The following RNF24 variants were observed in gnomAD, a reference collection of about 807,000 sequenced individuals.
The protein encoded by RNF24 is ring finger protein 24.
RNF24 carries 14 observed loss-of-function variants against 20.0 expected under a neutral mutation model. The observed-to-expected ratio is 0.70, with a 90% confidence interval of 0.46 to 1.10. The LOEUF (loss-of-function observed/expected upper bound fraction) is 1.10, where lower values mean the gene tolerates loss of function less well. RNF24 is among the 50% of genes least tolerant of loss of function. The pLI is 0.00. For missense variants in RNF24, 124 were observed against 177.6 expected (o/e 0.70, Z 1.71); for synonymous variants, 45 against 61.1 (o/e 0.74, Z 1.23).
intron 1 of RNF24, among the ~76,000 whole-genome samples, chr20:3,987,021 C>A (rs954194351): frequency 4.6e-5 from 7 of 152,174 alleles, no homozygotes; most frequent in East Asian, 1.9e-4. Flanking sequence ...GATCCTCTTA[C>A]CCTGGCTTCC....
At chr20:3,951,219 A>C (rs767050594) in intron 2 of RNF24, among the ~76,000 whole-genome samples, 6 of 152,150 alleles carry the variant, frequency 3.9e-5, no homozygotes, top group Non-Finnish European at 8.8e-5. Context: ...GGCCTCCCAA[A>C]GTGCTGGGAT....
chr20:3,941,243 G>A (rs1052437098), intron 4 of RNF24, among the ~76,000 whole-genome samples: 5 of 152,070 alleles, frequency 3.3e-5, no homozygotes, highest in Admixed American at 6.6e-5. Flanking sequence ...GGCTGGTCTC[G>A]ATCTTCTGGA....
At chr20:4,007,740 A>C (rs1600723684) in intron 1 of RNF24, among the ~76,000 whole-genome samples, 1 of 146,388 alleles carries the variant, frequency 6.8e-6, no homozygotes. Flanking sequence ...TGTCTCTACA[A>C]AAAAAAAAAA....
chr20:3,936,111 G>C (rs578016473), intron 4 of RNF24, among the ~76,000 whole-genome samples: 25 of 152,302 alleles, frequency 1.6e-4, no homozygotes, highest in African/African-American at 5.3e-4. Context: ...TGTGGCTCTT[G>C]GTGCCCAGTG....
At chr20:3,970,390 T>A (rs2091302846) in intron 1 of RNF24, among the ~76,000 whole-genome samples, 6 of 152,038 alleles carry the variant, frequency 3.9e-5, no homozygotes, top group Admixed American at 3.9e-4. Context: ...TTAAAAAAAA[T>A]CCAGAGTCTC....
chr20:3,964,814 G>A (rs1316678343), intron 1 of RNF24, among the ~76,000 whole-genome samples: 3 of 151,966 alleles, frequency 2.0e-5, no homozygotes, highest in Non-Finnish European at 1.5e-5. Flanking sequence ...CACTGTGCCC[G>A]GCCAATTTCT....
chr20:3,978,366 A>T (rs1979081098), intron 1 of RNF24, among the ~76,000 whole-genome samples: 1 of 131,574 alleles, frequency 7.6e-6, no homozygotes, highest in African/African-American at 2.8e-5. Context: ...GTAAAAAAAA[A>T]TTAATGTATA....
At position 3,930,216 on chromosome 20, in the gene RNF24, TAAGA is replaced by T. The variant is rs1475246723; in HGVS notation, c.*3843_*3846del. On this transcript the variant is annotated 3_prime_UTR_variant, in exon 6 of 6. Coordinates refer to ENST00000358395, the MANE Select transcript of RNF24 (RefSeq NM_001134337.3). Reference sequence around the variant, plus strand: ...TGAATGGATTACCTATTCAAAACATTAAGAAAGAAATATTCAGCACTGAACAACC... The same window carrying T: ...TGAATGGATTACCTATTCAAAACATTAAGAAATATTCAGCACTGAACAACC... 4 of 152,094 alleles carry T rather than the reference TAAGA, an allele frequency of 2.6e-5. No individual in the cohort carries two copies. The highest frequency in any genetic ancestry group is 3.9e-4 in the East Asian group (2 of 5,184). The allele number at this position is 152,094 out of a possible 1,614,324, so 9.4% of individuals were successfully genotyped here.
intron 4 of RNF24, among the ~76,000 whole-genome samples, chr20:3,944,068 G>T (rs779960289): frequency 2.7e-4 from 41 of 151,996 alleles, no homozygotes; most frequent in Non-Finnish European, 2.5e-4. Flanking sequence ...AAATTAGCTG[G>T]GTGTGGTGGC....
intron 2 of RNF24, among the ~76,000 whole-genome samples, chr20:3,952,239 C>G (rs2091089859): frequency 6.6e-6 from 1 of 151,850 alleles, no homozygotes; most frequent in African/African-American, 2.4e-5. Flanking sequence ...CTTTGCAAGA[C>G]TGAGTGTCTA....
At chr20:3,994,334 C>CAAATCAGTTGTATAACTGA (rs1345775604) in intron 1 of RNF24, among the ~76,000 whole-genome samples, 1 of 152,114 alleles carries the variant, frequency 6.6e-6, no homozygotes, top group African/African-American at 2.4e-5. Flanking sequence ...ATTTGTGACA[C>CAAATCAGTTGTATAACTGA]CTGTCCATCA....
chr20:3,955,321 G>A (rs2091130184), intron 2 of RNF24, among the ~76,000 whole-genome samples: 1 of 152,058 alleles, frequency 6.6e-6, no homozygotes, highest in African/African-American at 2.4e-5. Flanking sequence ...CTTTCTTGAT[G>A]TCCTTTGATG....
chr20:4,014,106 A>T (rs1028689173), intron 1 of RNF24, among the ~76,000 whole-genome samples: 1 of 152,226 alleles, frequency 6.6e-6, no homozygotes, highest in Non-Finnish European at 1.5e-5. Flanking sequence ...GGAGATGAGG[A>T]CAATGAAAAA....
intron 1 of RNF24, among the ~76,000 whole-genome samples, chr20:3,972,679 T>A (rs1485855655): frequency 1.3e-5 from 2 of 152,100 alleles, no homozygotes; most frequent in African/African-American, 4.8e-5. Context: ...GGCGGGCAGA[T>A]CACCTGAGGT....
rs1026879204 is a variant in RNF24, at chr20:3,999,382, G to C, written c.-8+16055C>G. On this transcript the variant is annotated intron_variant, in intron 1 of 5. Transcript: ENST00000358395. ...CTAGAACACCATTCTTAGGTCTATAGCTACAGTAACCGTTTATAGGGCTTT... is the reference window on the plus strand; with the variant it reads ...CTAGAACACCATTCTTAGGTCTATACCTACAGTAACCGTTTATAGGGCTTT... 2.6e-5 allele frequency among the ~76,000 whole-genome samples: 4 copies of C among 152,168 alleles called. 1 individual carries two copies. In the South Asian group the frequency reaches 8.3e-4, roughly 32 times the overall value.
At chr20:4,011,591 A>G (rs1026278673) in intron 1 of RNF24, among the ~76,000 whole-genome samples, 1 of 152,240 alleles carries the variant, frequency 6.6e-6, no homozygotes, top group African/African-American at 2.4e-5. Context: ...AGAATATTCA[A>G]AGATAATCAG....
At chr20:3,954,343 T>C (rs2091117648) in intron 2 of RNF24, among the ~76,000 whole-genome samples, 1 of 152,210 alleles carries the variant, frequency 6.6e-6, no homozygotes, top group Admixed American at 6.5e-5. Context: ...ATGCAATATA[T>C]GGCCTTTTGT....
chr20:3,942,459 G>A (rs981598984), intron 4 of RNF24, among the ~76,000 whole-genome samples: 4 of 151,468 alleles, frequency 2.6e-5, no homozygotes, highest in East Asian at 2.0e-4. Context: ...GTGAACCACC[G>A]TGTCCGGCCT....
At chr20:3,964,596 C>A (rs1053898948) in intron 1 of RNF24, among the ~76,000 whole-genome samples, 6 of 152,156 alleles carry the variant, frequency 3.9e-5, no homozygotes, top group Middle Eastern at 3.4e-3. Context: ...GATCTCAGCT[C>A]TCTGCAGTCT....
Sources: gnomAD v4.1 joint callset for allele counts (sites outside exome capture counted in the v4.1 genomes callset) on GRCh38, gnomAD v4.1.1 for gene constraint, MANE v1.5 for transcripts, NCBI Gene and HGNC (gene_info 2026-07-23, HGNC 2026-07-21) for gene names.